Variants in ZFHX3 observed in about 807,000 individuals in gnomAD.
The protein encoded by ZFHX3 is zinc finger homeobox 3, also known as zinc finger homeobox protein 3.
A neutral mutation model predicts 279.1 loss-of-function variants in ZFHX3; 42 were observed. That is an observed-to-expected ratio of 0.15 (90% CI 0.12 to 0.19). ZFHX3 has a LOEUF of 0.19. Among genes scored for constraint, ZFHX3 ranks in the 10% least tolerant of loss-of-function variants. The pLI, the probability that ZFHX3 is intolerant of heterozygous loss-of-function variation, is 1.00. For missense variants in ZFHX3, 4,981 were observed against 4,754.0 expected, an observed-to-expected ratio of 1.05 and a Z score of -1.40; for synonymous variants, 2,293 against 1,957.8, an observed-to-expected ratio of 1.17 and a Z score of -4.52.
Position 73,347,057 on chromosome 16 carries a change from G to A in ZFHX3, c.-1290-28721C>T, listed in dbSNP as rs143276058. ...AGCAAGGATCCTGGAACTGCTAGGTGCCTGAACCCAGATTCAAATCTAGGT... is the reference window on the plus strand; with the variant it reads ...AGCAAGGATCCTGGAACTGCTAGGTACCTGAACCCAGATTCAAATCTAGGT... On this transcript the variant is annotated intron_variant, in intron 3 of 17. Coordinates refer to the ZFHX3 transcript ENST00000641206. Among the ~76,000 whole-genome samples the A allele has an allele frequency of 5.3e-4, 80 of 152,318 alleles. 2 individuals carry two copies. In the East Asian group the frequency reaches 0.013, roughly 24 times the overall value.
chr16:73,287,205 G>A (rs1287638119), intron 4 of ZFHX3, among the ~76,000 whole-genome samples: 1 of 148,784 alleles, frequency 6.7e-6, no homozygotes, highest in African/African-American at 2.5e-5. Context: ...GTCAGTGTAT[G>A]GCTGTGTGGG....
At chr16:73,092,081 G>A (rs569014368) in intron 8 of ZFHX3, among the ~76,000 whole-genome samples, 1 of 152,318 alleles carries the variant, frequency 6.6e-6, no homozygotes, top group Non-Finnish European at 1.5e-5. Context: ...TTATAGACAG[G>A]CTAGTGTGAA....
Position 73,780,639 on chromosome 16 carries a change from G to A in ZFHX3, c.-1607-100399C>T, listed in dbSNP as rs1438750478. Among the ~76,000 whole-genome samples the A allele has an allele frequency of 2.6e-5, 4 of 152,072 alleles. No individual in the cohort carries two copies. In the East Asian group the frequency reaches 5.8e-4, roughly 22 times the overall value. ...GTATTTTTAATAGAGACGAGGTTTC[G>A]CCATGTTAGCCAGGCTGGTCTCAAA... On this transcript the variant is annotated intron_variant, in intron 1 of 17. Coordinates refer to the ZFHX3 transcript ENST00000641206.
chr16:73,186,755 G>C lies in ZFHX3; in HGVS notation c.-1103-42924C>G, dbSNP rs551351624. Reference sequence around the variant, plus strand: ...ACAAGTTAAAAAAAATAGGGCAACAGAAACAATGCCCATTATATTATTGTC... The same window carrying C: ...ACAAGTTAAAAAAAATAGGGCAACACAAACAATGCCCATTATATTATTGTC... On this transcript the variant is annotated intron_variant, in intron 5 of 17. Transcript: ENST00000641206. Among the ~76,000 whole-genome samples the C allele has an allele frequency of 4.6e-5, 7 of 152,196 alleles. 1 individual carries two copies. Among genetic ancestry groups the C allele is most frequent in the African/African-American group, 1.7e-4 (7 of 41,520 alleles).
intron 2 of ZFHX3, among the ~76,000 whole-genome samples, chr16:73,548,204 G>A (rs1230745046): frequency 6.6e-6 from 1 of 152,194 alleles, no homozygotes; most frequent in East Asian, 1.9e-4. Context: ...CATGGCTAAA[G>A]TGCACACGGA....
intron 4 of ZFHX3, among the ~76,000 whole-genome samples, chr16:72,864,822 A>G (rs1188420918): frequency 6.6e-6 from 1 of 152,240 alleles, no homozygotes; most frequent in African/African-American, 2.4e-5. Flanking sequence ...GGAAACATCC[A>G]GATGTTAGAG....
At chr16:73,098,899 C>A (rs1966198562) in intron 7 of ZFHX3, 1 of 152,204 alleles carries the variant, frequency 6.6e-6, no homozygotes, top group Non-Finnish European at 1.5e-5. Flanking sequence ...CCACCCCCTA[C>A]ATTGGACTTG....
intron 5 of ZFHX3, among the ~76,000 whole-genome samples, chr16:73,180,359 C>T (rs926915830): frequency 1.3e-5 from 2 of 152,016 alleles, no homozygotes; most frequent in Admixed American, 1.3e-4. Flanking sequence ...ATTTTTTTGC[C>T]TTTACTCTGA....
intron 1 of ZFHX3, among the ~76,000 whole-genome samples, chr16:73,014,119 G>A (rs956209228): frequency 6.6e-6 from 1 of 152,096 alleles, no homozygotes; most frequent in East Asian, 1.9e-4. Flanking sequence ...AGAGTGATGT[G>A]AGGAAGGGGC....
intron 1 of ZFHX3, among the ~76,000 whole-genome samples, chr16:73,054,372 G>A (rs559617857): frequency 4.5e-5 from 3 of 66,114 alleles, no homozygotes; most frequent in South Asian, 4.9e-4. Flanking sequence ...CCCCACACCC[G>A]CCCCCCTACT....
intron 2 of ZFHX3, among the ~76,000 whole-genome samples, chr16:73,673,289 C>A (rs886910689): frequency 6.6e-6 from 1 of 151,958 alleles, no homozygotes; most frequent in East Asian, 1.9e-4. Context: ...TAAGCTGGGT[C>A]GTAAGTTATG....
chr16:72,953,041 CT>C (rs964657978), intron 2 of ZFHX3, among the ~76,000 whole-genome samples: 3 of 151,788 alleles, frequency 2.0e-5, no homozygotes, highest in Admixed American at 1.3e-4. Flanking sequence ...ATATTTTTTT[CT>C]TTTTTTTATG....
Position 73,426,199 on chromosome 16 carries a change from G to A in ZFHX3, c.-1291+29804C>T, listed in dbSNP as rs562199148. On this transcript the variant is annotated intron_variant, in intron 3 of 17. Transcript: ENST00000641206. ...GGGCTCTCTGTGCCTGTGACCTGGTGGGGCCAATTAATCACTGGGAGGTGC... is the reference window on the plus strand; with the variant it reads ...GGGCTCTCTGTGCCTGTGACCTGGTAGGGCCAATTAATCACTGGGAGGTGC... Among the ~76,000 whole-genome samples the A allele has an allele frequency of 2.0e-5, 3 of 152,274 alleles. No individual in the cohort carries two copies. The East Asian group carries it at 5.8e-4, about 30-fold the overall frequency.
At chr16:73,586,693 C>T (rs749396447) in intron 2 of ZFHX3, among the ~76,000 whole-genome samples, 4 of 152,038 alleles carry the variant, frequency 2.6e-5, no homozygotes, top group Non-Finnish European at 4.4e-5. Context: ...AAGGTTTTAA[C>T]TCATTTATGT....
intron 2 of ZFHX3, among the ~76,000 whole-genome samples, chr16:73,508,491 A>C (rs1456427124): frequency 1.3e-5 from 2 of 152,210 alleles, no homozygotes; most frequent in Non-Finnish European, 2.9e-5. Context: ...TCAAGCACAG[A>C]CATGCAGCTC....
chr16:73,260,605 T>C (rs780839184), intron 4 of ZFHX3, among the ~76,000 whole-genome samples: 66 of 152,036 alleles, frequency 4.3e-4, no homozygotes, highest in Non-Finnish European at 4.6e-4. Context: ...CCATTTTCCA[T>C]TGAAGTAGAG....
intron 2 of ZFHX3, among the ~76,000 whole-genome samples, chr16:73,663,411 G>A (rs2142177445): frequency 6.6e-6 from 1 of 152,298 alleles, no homozygotes; most frequent in Middle Eastern, 3.4e-3. Context: ...CCACCCTGCA[G>A]GTCTTGCCTG....
chr16:73,777,473 C>T (rs939196577), intron 1 of ZFHX3, among the ~76,000 whole-genome samples: 4 of 130,276 alleles, frequency 3.1e-5, no homozygotes, highest in South Asian at 2.6e-4. Flanking sequence ...CACGCCACTG[C>T]GCTCCAGCCT....
intron 1 of ZFHX3, among the ~76,000 whole-genome samples, chr16:73,868,010 C>A (rs1352519577): frequency 6.6e-6 from 1 of 152,198 alleles, no homozygotes; most frequent in African/African-American, 2.4e-5. Flanking sequence ...CTTCTTCATA[C>A]CTCCAGCCCT....
Sources: allele counts gnomAD v4.1 joint callset (sites outside exome capture counted in the v4.1 genomes callset), GRCh38; gene constraint gnomAD v4.1.1; transcripts MANE v1.5; gene names NCBI Gene and HGNC (gene_info 2026-07-23, HGNC 2026-07-21).